IL1RAPL2: variants seen among roughly 807,000 people sequenced by gnomAD.
The protein encoded by IL1RAPL2 is X-linked interleukin-1 receptor accessory protein-like 2.
Under a neutral mutation model 44.1 loss-of-function variants are expected in IL1RAPL2, and 3 were observed. The ratio of observed to expected loss-of-function variants is 0.07; its 90% confidence interval spans 0.03 to 0.18. The LOEUF is 0.18. Ranked by LOEUF, IL1RAPL2 falls within the 10% of genes least tolerant of loss-of-function variation. The pLI is 1.00. For missense variants in IL1RAPL2, 391 were observed against 496.4 expected (o/e 0.79, Z 2.02); for synonymous variants, 181 against 178.8 (o/e 1.01, Z -0.10).
At chrX:105,424,632 C>T (rs2035796217) in intron 5 of IL1RAPL2, among the ~76,000 whole-genome samples, 1 of 109,542 alleles carries the variant, frequency 9.1e-6, no homozygotes, top group Non-Finnish European at 1.9e-5. Context: ...AGTAAACAGT[C>T]CCAGCTACTC....
intron 1 of IL1RAPL2, among the ~76,000 whole-genome samples, chrX:104,585,379 A>T (rs866856332): frequency 1.7e-4 from 4 of 23,105 alleles, no homozygotes; most frequent in African/African-American, 7.1e-4. Context: ...ATTATATATA[A>T]TATATATTAT....
At chrX:104,918,351 C>G (rs1924526062) in intron 2 of IL1RAPL2, among the ~76,000 whole-genome samples, 1 of 111,236 alleles carries the variant, frequency 9.0e-6, no homozygotes, top group Admixed American at 9.6e-5. Context: ...TATGTGTATA[C>G]TTTAGGTATC....
intron 2 of IL1RAPL2, among the ~76,000 whole-genome samples, chrX:104,927,292 A>G (rs750992451): frequency 9.0e-6 from 1 of 111,552 alleles, no homozygotes; most frequent in South Asian, 3.8e-4. Context: ...TCCTGATAAC[A>G]CAACAACCTC....
intron 2 of IL1RAPL2, among the ~76,000 whole-genome samples, chrX:104,816,878 G>A (rs760560281): frequency 8.9e-6 from 1 of 112,613 alleles, no homozygotes; most frequent in South Asian, 3.7e-4. Flanking sequence ...TTCATTGAAG[G>A]TTGTTTCCCT....
intron 2 of IL1RAPL2, among the ~76,000 whole-genome samples, chrX:105,175,399 A>C (rs1034281233): frequency 2.7e-5 from 3 of 111,493 alleles, no homozygotes; most frequent in Non-Finnish European, 5.7e-5. Flanking sequence ...AATTATGTCC[A>C]TTTTACAGAT....
intron 8 of IL1RAPL2, among the ~76,000 whole-genome samples, chrX:105,742,778 A>G (rs1021939616): frequency 2.7e-5 from 3 of 111,244 alleles, no homozygotes; most frequent in Non-Finnish European, 5.7e-5. Flanking sequence ...TCTCACCTGT[A>G]TACTCAATTG....
chrX:105,520,793 A>G (rs1223085213), intron 6 of IL1RAPL2, among the ~76,000 whole-genome samples: 2 of 110,796 alleles, frequency 1.8e-5, no homozygotes, highest in Non-Finnish European at 3.8e-5. Context: ...GCAACTGCTT[A>G]TACTCCTCCA....
intron 2 of IL1RAPL2, among the ~76,000 whole-genome samples, chrX:105,176,416 G>A (rs941842674): frequency 6.3e-5 from 7 of 110,708 alleles, no homozygotes; most frequent in Non-Finnish European, 1.3e-4. Context: ...GGCCATGGGT[G>A]ATGCCCCTTG....
intron 2 of IL1RAPL2, among the ~76,000 whole-genome samples, chrX:104,707,710 A>AT (rs1931385954): frequency 9.0e-6 from 1 of 111,639 alleles, no homozygotes; most frequent in South Asian, 3.7e-4. Context: ...GTTTTGAATG[A>AT]TGTTTAGAGG....
chrX:104,892,305 C>T (rs1195153894), intron 2 of IL1RAPL2, among the ~76,000 whole-genome samples: 2 of 111,706 alleles, frequency 1.8e-5, no homozygotes, highest in Non-Finnish European at 3.8e-5. Flanking sequence ...TGATACTGGC[C>T]TCATAAAATG....
At chrX:105,111,238 C>G (rs961069846) in intron 2 of IL1RAPL2, among the ~76,000 whole-genome samples, 1 of 111,369 alleles carries the variant, frequency 9.0e-6, no homozygotes, top group Non-Finnish European at 1.9e-5. Flanking sequence ...ACTTTTGAGC[C>G]TAGTGGTTTT....
intron 2 of IL1RAPL2, among the ~76,000 whole-genome samples, chrX:104,860,172 C>A (rs770653979): frequency 1.8e-5 from 2 of 111,504 alleles, no homozygotes; most frequent in Non-Finnish European, 3.8e-5. Context: ...ATGGAGCTGA[C>A]CCATTTATCA....
At chrX:104,978,673 G>A (rs949164121) in intron 2 of IL1RAPL2, among the ~76,000 whole-genome samples, 2 of 111,836 alleles carry the variant, frequency 1.8e-5, no homozygotes, top group Admixed American at 1.9e-4. Context: ...AAATCCAAGA[G>A]TACCAACTGG....
intron 5 of IL1RAPL2, among the ~76,000 whole-genome samples, chrX:105,314,372 A>C (rs996298897): frequency 4.5e-5 from 5 of 110,486 alleles, no homozygotes; most frequent in Non-Finnish European, 9.4e-5. Flanking sequence ...GATGCTCAGC[A>C]TGACATACTC....
intron 4 of IL1RAPL2, among the ~76,000 whole-genome samples, chrX:105,252,296 TGTATAGATGTACCACTG>T (rs2034276261): frequency 8.9e-6 from 1 of 111,935 alleles, no homozygotes; most frequent in African/African-American, 3.2e-5. Context: ...AGTATTCCAC[TGTATAGATGTACCACTG>T]TTTAACCATT....
rs750301890 is a variant in IL1RAPL2 at position 104,877,096 on chromosome X, A to G, written c.82+218101A>G. Among the ~76,000 whole-genome samples, 71 of 110,838 alleles carry G rather than the reference A, an allele frequency of 6.4e-4. 1 individual carries two copies. The highest frequency in any genetic ancestry group is 1.1e-3 in the Non-Finnish European group (58 of 52,857). The stretch of plus-strand genomic sequence containing the variant: ...ATGGCTGCACAGTATTCCATGGTGT[A>G]TATGTGCCACATTTTCTTAATCCAG... On this transcript the variant is annotated intron_variant, in intron 2 of 10. Transcript: ENST00000372582.
intron 1 of IL1RAPL2, among the ~76,000 whole-genome samples, chrX:104,591,518 G>C (rs1928664616): frequency 9.0e-6 from 1 of 111,422 alleles, no homozygotes; most frequent in African/African-American, 3.3e-5. Flanking sequence ...GCTGTCCCTG[G>C]AAGTGACAGT....
intron 2 of IL1RAPL2, among the ~76,000 whole-genome samples, chrX:104,740,899 AG>A (rs1418196299): frequency 1.8e-5 from 2 of 111,389 alleles, no homozygotes; most frequent in Non-Finnish European, 3.8e-5. Flanking sequence ...TGGTGACTCT[AG>A]GGTTATTAAA....
chrX:105,217,600 G>A (rs142582418), intron 3 of IL1RAPL2, among the ~76,000 whole-genome samples: 1,563 of 112,039 alleles, frequency 0.014, 27 homozygotes, highest in African/African-American at 0.049. Context: ...CCATTACTGG[G>A]TATATACCCA....
Sources: allele counts gnomAD v4.1 joint callset (sites outside exome capture counted in the v4.1 genomes callset), GRCh38; gene constraint gnomAD v4.1.1; transcripts MANE v1.5; gene names NCBI Gene and HGNC (gene_info 2026-07-23, HGNC 2026-07-21).